The following PIK3C2B variants were observed in gnomAD, a reference collection of about 807,000 sequenced individuals.
PIK3C2B encodes phosphatidylinositol 4-phosphate 3-kinase C2 domain-containing subunit beta.
A neutral mutation model predicts 184.3 loss-of-function variants in PIK3C2B; 83 were observed. The ratio of observed to expected loss-of-function variants is 0.45; its 90% CI spans 0.38 to 0.54. The LOEUF is 0.54. PIK3C2B is among the 20% of genes least tolerant of loss of function. The pLI, the probability that PIK3C2B is intolerant of heterozygous loss-of-function variation, is 0.00. For synonymous variants in PIK3C2B, 779 were observed against 837.6 expected, an observed-to-expected ratio of 0.93 and a Z score of 1.21; for missense variants, 1,736 against 2,113.5, an observed-to-expected ratio of 0.82 and a Z score of 3.50.
rs374953024 is a variant in PIK3C2B at position 204,433,452 on chromosome 1, G to C, written c.3844-27C>G. 2.9e-6 allele frequency: 4 copies of C among 1,371,292 alleles called. No homozygotes were observed. The African/African-American group carries it at 4.3e-5, about 15-fold the overall frequency. 84.9% of individuals were successfully genotyped at this position (1,371,292 alleles called of 1,614,324 possible). On this transcript the variant is annotated intron_variant, in intron 25 of 32. Coordinates refer to ENST00000684373, the MANE Select transcript of PIK3C2B (RefSeq NM_001377334.1). This position sits in a 1 kb window ranked among gnomAD's most constrained non-coding sequence, Gnocchi z 5.0. ...TAGAAGGAGCAGAAAGAAGAAGAGA[G>C]GGTGCCTGTAACAACAGAGAATTCT...
intron 11 of PIK3C2B, among the ~76,000 whole-genome samples, chr1:204,455,007 G>A (rs1003692336): frequency 6.6e-6 from 1 of 152,232 alleles, no homozygotes; most frequent in Non-Finnish European, 1.5e-5. Flanking sequence ...TCGGTTTTAG[G>A]CTCCATTCTG....
Position 204,469,063 on chromosome 1 carries a change from T to A in PIK3C2B, c.740A>T (p.Glu247Val), listed in dbSNP as rs774576496. 1.9e-6 allele frequency: 3 copies of A among 1,614,036 alleles called. No homozygotes were observed. Among genetic ancestry groups the A allele is most frequent in the Non-Finnish European group, 2.5e-6 (3 of 1,180,036 alleles). Residue 247 changes from glutamate (E) to valine (V), a missense_variant, in exon 2 of 33, where the codon GAG becomes GTG. Glu to Val is a moderately radical substitution (Grantham distance 121). Coordinates refer to ENST00000684373, the MANE Select transcript of PIK3C2B (RefSeq NM_001377334.1). ...GCCCCTGGTGGCATCCCGCAACATC[T>A]CCGCATCATAGGTCGATTTCAAGTT... ...RLNLKSTYDA[E>V]MLRDATRGWK...
intron 10 of PIK3C2B, chr1:204,456,259 T>C: frequency 2.2e-6 from 1 of 454,684 alleles, no homozygotes; most frequent in Non-Finnish European, 3.9e-6. Context: ...ATGACAGTTA[T>C]ACAATGTTAA....
In PIK3C2B at chr1:204,424,054, G is replaced by A. The variant is rs1054152441; in HGVS notation, c.*798C>T. On this transcript the variant is annotated 3_prime_UTR_variant, in exon 33 of 33. Transcript: ENST00000684373. ...ATTCAGGGCAAGTCCTAATAAAGTAGGGAAGACAAGAGGAAAAGTCCCCCC... is the reference window on the plus strand; with the variant it reads ...ATTCAGGGCAAGTCCTAATAAAGTAAGGAAGACAAGAGGAAAAGTCCCCCC... The A allele has an allele frequency of 1.3e-5, 2 of 152,828 alleles. No homozygotes were observed. Among genetic ancestry groups the A allele is most frequent in the African/African-American group, 4.8e-5 (2 of 41,434 alleles). The allele number at this position is 152,828 out of a possible 1,614,324, so 9.5% of individuals were successfully genotyped here.
intron 1 of PIK3C2B, among the ~76,000 whole-genome samples, chr1:204,483,389 CAAA>C (rs10578144): frequency 0.62 from 91,256 of 147,746 alleles, 29,772 homozygotes; most frequent in Non-Finnish European, 0.72. Context: ...AACCCTGACT[CAAA>C]AAAAAAAAAA....
intron 29 of PIK3C2B, among the ~76,000 whole-genome samples, chr1:204,428,721 G>A (rs1270127656): frequency 6.6e-6 from 1 of 152,042 alleles, no homozygotes; most frequent in African/African-American, 2.4e-5. Context: ...AACCTCAGGT[G>A]ATCCACCTGC....
At chr1:204,472,089 C>A (rs1192900862) in intron 1 of PIK3C2B, among the ~76,000 whole-genome samples, 1 of 151,952 alleles carries the variant, frequency 6.6e-6, no homozygotes, top group Non-Finnish European at 1.5e-5. Context: ...AAGCATTCAA[C>A]AAATGGTGGT....
At position 204,447,513 on chromosome 1, in the gene PIK3C2B, G is replaced by A; in HGVS notation, c.2412C>T (p.Pro804=). ...CCCGGAGGCTGCCAAACTCATAGCGGGGGCTGAACTTGTCTCCAGGGGGGC... is the reference window on the plus strand; with the variant it reads ...CCCGGAGGCTGCCAAACTCATAGCGAGGGCTGAACTTGTCTCCAGGGGGGC... ...FTSPPGDKFS[P]RYEFGSLREE... is the part of the protein sequence containing the mutation. The change falls in exon 15 of 33, where the codon CCC becomes CCT. Residue 804 remains proline (P), a synonymous_variant. Transcript: ENST00000684373. This position sits in a 1 kb window ranked among gnomAD's most constrained non-coding sequence, Gnocchi z 4.1. 1 of 1,612,850 alleles carries A rather than the reference G, an allele frequency of 6.2e-7. No individual in the cohort carries two copies. The highest frequency in any genetic ancestry group is 8.5e-7 in the Non-Finnish European group (1 of 1,179,146).
rs1297962718 is a variant in PIK3C2B, at chr1:204,460,250, G to A, written c.1502+74C>T. ...AGAATCCCTTAGCCCTGACAGAAAGGCAAGCAGGCACATCTGATGGGATCC... is the reference window on the plus strand; with the variant it reads ...AGAATCCCTTAGCCCTGACAGAAAGACAAGCAGGCACATCTGATGGGATCC... On this transcript the variant is annotated intron_variant, in intron 7 of 32. Transcript: ENST00000684373. 14 of 1,234,910 alleles carry A rather than the reference G, an allele frequency of 1.1e-5. No individual in the cohort carries two copies. In the East Asian group the frequency reaches 2.6e-4, roughly 23 times the overall value. 76.5% of individuals were successfully genotyped at this position (1,234,910 alleles called of 1,614,324 possible).
intron 32 of PIK3C2B, 41 bp from the exon 33 acceptor site, chr1:204,425,081 G>C: frequency 6.5e-7 from 1 of 1,541,630 alleles, no homozygotes; most frequent in Non-Finnish European, 8.9e-7. Context: ...GTGAGAGAAG[G>C]AACAAGAAGA....
chr1:204,472,869 C>A (rs965211887), intron 1 of PIK3C2B, among the ~76,000 whole-genome samples: 1 of 152,030 alleles, frequency 6.6e-6, no homozygotes, highest in African/African-American at 2.4e-5. Context: ...TTAAAAACTC[C>A]CCAGGAGATT....
At chr1:204,487,289 T>C (rs868804891) in intron 1 of PIK3C2B, among the ~76,000 whole-genome samples, 1 of 152,222 alleles carries the variant, frequency 6.6e-6, no homozygotes, top group African/African-American at 2.4e-5. Flanking sequence ...AATTTTTGTA[T>C]AGATAAATCT....
chr1:204,477,195 C>T (rs1461250468), intron 1 of PIK3C2B, among the ~76,000 whole-genome samples: 1 of 152,148 alleles, frequency 6.6e-6, no homozygotes, highest in African/African-American at 2.4e-5. Context: ...TTGTCATCTG[C>T]GAAGCTTTAA....
chr1:204,486,958 C>T lies in PIK3C2B; in HGVS notation c.-85+7398G>A, dbSNP rs1395229584. ...GAGTAGCTGGGATTACAGGCACATG[C>T]CACCAGGCCCAGTTAATCTTTGTAT... On this transcript the variant is annotated intron_variant, in intron 1 of 32. Transcript: ENST00000684373. Among the ~76,000 whole-genome samples, 14 of 152,178 alleles carry T rather than the reference C, an allele frequency of 9.2e-5. 1 individual carries two copies. Among genetic ancestry groups the T allele is most frequent in the Admixed American group, 9.2e-4 (14 of 15,278 alleles).
intron 12 of PIK3C2B, 64 bp downstream of exon 12, chr1:204,454,605 G>T: frequency 1.9e-6 from 3 of 1,571,532 alleles, no homozygotes; most frequent in Non-Finnish European, 2.6e-6. Context: ...TGGCCCCAGG[G>T]ATATTTCAGA....
At chr1:204,432,979 A>G (rs1317741196) in intron 26 of PIK3C2B, among the ~76,000 whole-genome samples, 3 of 152,252 alleles carry the variant, frequency 2.0e-5, no homozygotes, top group Non-Finnish European at 4.4e-5. Flanking sequence ...GAAGCGTCTG[A>G]CCAAGAAAGT....
chr1:204,457,750 C>T lies in PIK3C2B; in HGVS notation c.1691G>A (p.Arg564His), dbSNP rs770614232. Reference sequence around the variant, plus strand: ...TACCTTCTGAATTTTAGGCTGCATGCGGGAGGGGCAGGGGGGCAGCTGGTT... The same window carrying T: ...TACCTTCTGAATTTTAGGCTGCATGTGGGAGGGGCAGGGGGGCAGCTGGTT... ...ALNQLPPCPSRMQPKIQKDPS... is the reference protein window; with the variant it reads ...ALNQLPPCPSHMQPKIQKDPS... The change falls in exon 9 of 33, where the codon CGC (arginine) becomes CAC (histidine). Residue 564 changes from arginine to histidine, a missense_variant. Arg to His is a conservative substitution (Grantham distance 29, BLOSUM62 0). This residue lies in a region of PIK3C2B where 609 missense variants were observed against 699.2 expected (regional missense o/e 0.87). Transcript: ENST00000684373. 2.5e-5 allele frequency: 40 copies of T among 1,609,418 alleles called. No homozygotes were observed. In the South Asian group the frequency reaches 3.3e-4, roughly 13 times the overall value.
At chr1:204,448,871 G>C (rs1654103453) in intron 14 of PIK3C2B, among the ~76,000 whole-genome samples, 1 of 152,054 alleles carries the variant, frequency 6.6e-6, no homozygotes, top group South Asian at 2.1e-4. Context: ...GGTCAGGTTT[G>C]ATCAGACTTA....
chr1:204,455,132 G>A (rs887292934), intron 11 of PIK3C2B, among the ~76,000 whole-genome samples: 4 of 152,374 alleles, frequency 2.6e-5, no homozygotes, highest in Admixed American at 2.0e-4. Flanking sequence ...ACGTGCATGC[G>A]CAAGTGAGAA....
Sources: allele counts gnomAD v4.1 joint callset (sites outside exome capture counted in the v4.1 genomes callset), GRCh38; gene constraint gnomAD v4.1.1; regional missense constraint gnomAD v4.1.1; non-coding constraint Gnocchi (gnomAD v3.1); transcripts MANE v1.5; gene names NCBI Gene and HGNC (gene_info 2026-07-23, HGNC 2026-07-21).